Variants in APOOL observed in about 807,000 individuals in gnomAD.
APOOL encodes MICOS complex subunit MIC27.
In APOOL, 12 loss-of-function variants were observed where a neutral mutation model predicts 23.1. The observed-to-expected ratio is 0.52, with a 90% CI of 0.33 to 0.84. The LOEUF is 0.84. Ranked by LOEUF, APOOL falls within the 40% of genes least tolerant of loss-of-function variation. The pLI, the probability that APOOL is intolerant of heterozygous loss-of-function variation, is 0.02. For missense variants in APOOL, 212 were observed against 199.6 expected (o/e 1.06, Z -0.37); for synonymous variants, 77 against 69.9 (o/e 1.10, Z -0.51).
chrX:85,005,924 GAGA>G (rs943603134), intron 1 of APOOL, among the ~76,000 whole-genome samples: 2 of 111,995 alleles, frequency 1.8e-5, no homozygotes, highest in African/African-American at 6.5e-5. Flanking sequence ...TGTTTTCATT[GAGA>G]AGAAGAGAGT....
chrX:85,064,797 A>C (rs138464267), intron 5 of APOOL, among the ~76,000 whole-genome samples: 1,632 of 111,650 alleles, frequency 0.015, 31 homozygotes, highest in African/African-American at 0.05. Flanking sequence ...CCTTCCAATT[A>C]TGTGATCAAT....
At chrX:85,081,087 T>C (rs992900860) in intron 8 of APOOL, among the ~76,000 whole-genome samples, 24 of 111,924 alleles carry the variant, frequency 2.1e-4, no homozygotes, top group African/African-American at 7.8e-4. Flanking sequence ...ATTTAGCCCA[T>C]TTACATTTAA....
At chrX:85,029,581 G>A (rs952045685) in intron 1 of APOOL, among the ~76,000 whole-genome samples, 3 of 110,750 alleles carry the variant, frequency 2.7e-5, no homozygotes, top group Admixed American at 9.6e-5. Flanking sequence ...CCTGTTTCTC[G>A]TCACAGTGAA....
intron 8 of APOOL, among the ~76,000 whole-genome samples, chrX:85,082,545 T>C (rs1924146163): frequency 9.0e-6 from 1 of 111,295 alleles, no homozygotes. Flanking sequence ...TTGTATATTC[T>C]GCAAGCTAAC....
intron 8 of APOOL, among the ~76,000 whole-genome samples, chrX:85,083,739 C>CT (rs1195535130): frequency 6.3e-5 from 7 of 111,131 alleles, no homozygotes; most frequent in Admixed American, 1.9e-4. Flanking sequence ...GTTATCTGTC[C>CT]TTTTTTTTGT....
intron 2 of APOOL, among the ~76,000 whole-genome samples, chrX:85,051,184 A>G (rs758909909): frequency 2.4e-4 from 27 of 111,611 alleles, no homozygotes; most frequent in Non-Finnish European, 2.1e-4. Flanking sequence ...TATATTTGGC[A>G]TCTTTTAATT....
At chrX:85,030,568 C>T (rs1198369612) in intron 1 of APOOL, among the ~76,000 whole-genome samples, 1 of 111,847 alleles carries the variant, frequency 8.9e-6, no homozygotes, top group Non-Finnish European at 1.9e-5. Context: ...CGGAATACTA[C>T]TCATCCACAA....
intron 5 of APOOL, among the ~76,000 whole-genome samples, chrX:85,059,819 C>T (rs1176058791): frequency 9.0e-6 from 1 of 110,938 alleles, no homozygotes; most frequent in Non-Finnish European, 1.9e-5. Context: ...TTCTCCCATT[C>T]TGTAGGTTGC....
chrX:85,027,997 A>G (rs1921900141), intron 1 of APOOL, among the ~76,000 whole-genome samples: 1 of 111,662 alleles, frequency 9.0e-6, no homozygotes, highest in Non-Finnish European at 1.9e-5. Flanking sequence ...TTTTACTGGT[A>G]TAAATGCCCA....
Position 85,088,948 on chromosome X carries a change from CCTTAA to C in APOOL, c.*1274_*1278del, listed in dbSNP as rs1348318009. 1 of 111,733 alleles carries C rather than the reference CCTTAA, an allele frequency of 8.9e-6. No homozygotes were observed. The highest frequency in any genetic ancestry group is 2.8e-4 in the East Asian group (1 of 3,531). 9.2% of individuals were successfully genotyped at this position (111,733 alleles called of 1,213,427 possible). On this transcript the variant is annotated 3_prime_UTR_variant, in exon 9 of 9. Coordinates refer to ENST00000373173, the MANE Select transcript of APOOL (RefSeq NM_198450.6). The stretch of plus-strand genomic sequence containing the variant: ...ATAACAAAACAAGACAAAAACCTTT[CCTTAA>C]CTTGGCCTCTTCCCTTGAACTATTT...
chrX:85,014,317 C>T (rs1461649044), intron 1 of APOOL, among the ~76,000 whole-genome samples: 8 of 111,193 alleles, frequency 7.2e-5, no homozygotes, highest in Non-Finnish European at 1.5e-4. Context: ...TTACTATCAG[C>T]GTTAGTATTG....
chrX:85,021,184 C>T (rs923306974), intron 1 of APOOL, among the ~76,000 whole-genome samples: 16 of 107,777 alleles, frequency 1.5e-4, no homozygotes, highest in Admixed American at 1.5e-3. Flanking sequence ...CAGTAGACAC[C>T]GCTAGTGGAT....
chrX:85,064,630 A>G (rs1288892711), intron 5 of APOOL, among the ~76,000 whole-genome samples: 1 of 110,969 alleles, frequency 9.0e-6, no homozygotes, highest in Admixed American at 9.6e-5. Context: ...CCTTAATTTC[A>G]TTATTTACCC....
rs577874613 is a variant in APOOL at position 85,034,592 on chromosome X, A to G, written c.16-11854A>G. 2.7e-5 allele frequency among the ~76,000 whole-genome samples: 3 copies of G among 111,332 alleles called. No individual in the cohort carries two copies. The South Asian group carries it at 1.1e-3, about 42-fold the overall frequency. ...CCAGGTAGTGAGCATATTACCCAAT[A>G]GTTTTTCAATTCTTTTCTCCCTCCC... On this transcript the variant is annotated intron_variant, in intron 1 of 8. Transcript: ENST00000373173.
chrX:85,015,562 T>TTATC (rs1921440467), intron 1 of APOOL, among the ~76,000 whole-genome samples: 1 of 105,942 alleles, frequency 9.4e-6, no homozygotes, highest in Non-Finnish European at 1.9e-5. Flanking sequence ...ATTTATTTAT[T>TTATC]TATTTATTTA....
In APOOL at chrX:85,043,775, C is replaced by T. The variant is rs147633838; in HGVS notation, c.16-2671C>T. The stretch of plus-strand genomic sequence containing the variant: ...TGTTGGATAGATTTTATTGTTATCA[C>T]TGTTCTCACTAGAGCCTGATTAGCA... On this transcript the variant is annotated intron_variant, in intron 1 of 8. Coordinates refer to ENST00000373173, the MANE Select transcript of APOOL (RefSeq NM_198450.6). 6.7e-3 allele frequency among the ~76,000 whole-genome samples: 745 copies of T among 111,593 alleles called. 10 individuals carry two copies. The highest frequency in any genetic ancestry group is 0.023 in the African/African-American group (715 of 30,755).
chrX:85,020,100 T>C (rs1022203770), intron 1 of APOOL, among the ~76,000 whole-genome samples: 3 of 111,607 alleles, frequency 2.7e-5, no homozygotes, highest in African/African-American at 9.8e-5. Flanking sequence ...AACAGAGGCA[T>C]TGTCAGCAGG....
intron 8 of APOOL, among the ~76,000 whole-genome samples, chrX:85,077,061 GTATATATATATATACA>G (rs1923876127): frequency 1.6e-5 from 1 of 61,971 alleles, no homozygotes; most frequent in Non-Finnish European, 3.0e-5. Context: ...GTATATACAC[GTATATATATATATACA>G]TATATATATA....
At position 85,046,456 on chromosome X, in the gene APOOL, T is replaced by C; in HGVS notation, c.26T>C (p.Leu9Pro). Residue 9 changes from leucine to proline, a missense_variant, in exon 2 of 9, where the codon CTG becomes CCG. Physicochemically the swap from Leu to Pro is moderately conservative, Grantham distance 98. Transcript: ENST00000373173. ...ATATATCTTTCTTAGATGGGAAAAC[T>C]GACAACCATGCCTGCAGGTCTGATA... MAAIRMGKLTTMPAGLIYA... is the reference protein window; with the variant it reads MAAIRMGKPTTMPAGLIYA... 8.3e-7 allele frequency: 1 copy of C among 1,203,351 alleles called. No homozygotes were observed. The highest frequency in any genetic ancestry group is 1.1e-6 in the Non-Finnish European group (1 of 891,981).
Sources: gnomAD v4.1 joint callset for allele counts (sites outside exome capture counted in the v4.1 genomes callset) on GRCh38, gnomAD v4.1.1 for gene constraint, MANE v1.5 for transcripts, NCBI Gene and HGNC (gene_info 2026-07-23, HGNC 2026-07-21) for gene names.